The following KIF26B variants were observed in gnomAD, a reference collection of about 807,000 sequenced individuals.
KIF26B encodes kinesin-like protein KIF26B.
In KIF26B, 63 loss-of-function variants were observed where a neutral mutation model predicts 151.2. That is an observed-to-expected ratio of 0.42 (90% CI 0.34 to 0.51). The LOEUF (loss-of-function observed/expected upper bound fraction) is 0.51, where lower values mean the gene tolerates loss of function less well. Among genes scored for constraint, KIF26B ranks in the 20% least tolerant of loss-of-function variants. The pLI is 0.07. For missense variants in KIF26B, 2,813 were observed against 2,913.6 expected (o/e 0.97, Z 0.79); for synonymous variants, 1,357 against 1,262.1 (o/e 1.08, Z -1.59).
rs1242090995 is a variant in KIF26B, at chr1:245,601,022, AC to A, written c.1351-1553del. Among the ~76,000 whole-genome samples, 1 of 152,204 alleles carries A rather than the reference AC, an allele frequency of 6.6e-6. No individual in the cohort carries two copies. Among genetic ancestry groups the A allele is most frequent in the Non-Finnish European group, 1.5e-5 (1 of 68,036 alleles). ...TCATCTGTAAAATCTGGACAGGCAT[AC>A]CTACACCCTGGAGCATTGGGAGGAT... On this transcript the variant is annotated intron_variant, in intron 5 of 14. Coordinates refer to ENST00000407071, the MANE Select transcript of KIF26B (RefSeq NM_018012.4). This position sits in a 1 kb window ranked among gnomAD's most constrained non-coding sequence, Gnocchi z 4.4.
chr1:245,648,344 G>A (rs10158765), intron 10 of KIF26B, among the ~76,000 whole-genome samples: 57,060 of 151,936 alleles, frequency 0.38, 11,001 homozygotes, highest in African/African-American at 0.44. Flanking sequence ...AATGAGTAGG[G>A]AAACATTAAA....
chr1:245,587,109 C>T (rs149697244), intron 5 of KIF26B, among the ~76,000 whole-genome samples: 27 of 152,250 alleles, frequency 1.8e-4, no homozygotes, highest in East Asian at 1.4e-3. Context: ...TCCAAGACAC[C>T]GGTCAGCCTG....
At chr1:245,562,134 G>A (rs1333806809) in intron 5 of KIF26B, among the ~76,000 whole-genome samples, 1 of 152,072 alleles carries the variant, frequency 6.6e-6, no homozygotes, top group Non-Finnish European at 1.5e-5. Context: ...CAGACTTAAA[G>A]CACTTCTCAG....
In KIF26B at chr1:245,686,022, C is replaced by T. The variant is rs376593943; in HGVS notation, c.3039C>T (p.Pro1013=). The T allele has an allele frequency of 1.9e-4, 303 of 1,593,708 alleles. 1 individual carries two copies. The highest frequency in any genetic ancestry group is 2.3e-4 in the Non-Finnish European group (274 of 1,171,126). Residue 1013 remains proline, a synonymous_variant, in exon 12 of 15, where the codon CCC becomes CCT. Transcript: ENST00000407071. This position sits in a 1 kb window ranked among gnomAD's most constrained non-coding sequence, Gnocchi z 5.6. ...ACTCACCTGTGCCCGCCGCGGCACC[C>T]GCCCACAGCCCCAGCCCGGCCTCAC... ...RSHSPVPAAA[P]AHSPSPASPR...
chr1:245,630,495 C>T (rs1185834749), intron 9 of KIF26B, among the ~76,000 whole-genome samples: 2 of 152,146 alleles, frequency 1.3e-5, no homozygotes, highest in Admixed American at 6.5e-5. Context: ...GAAAACCAAA[C>T]ACCACACGTT....
intron 3 of KIF26B, among the ~76,000 whole-genome samples, chr1:245,411,582 T>C (rs1674285810): frequency 6.6e-6 from 1 of 152,160 alleles, no homozygotes; most frequent in South Asian, 2.1e-4. Context: ...GGCATGCATC[T>C]GTGGGTGTCA....
chr1:245,596,173 A>C (rs2043334459), intron 5 of KIF26B, among the ~76,000 whole-genome samples: 1 of 151,758 alleles, frequency 6.6e-6, no homozygotes, highest in African/African-American at 2.4e-5. Context: ...TTCTGCTCTG[A>C]TCTTAGTTAT....
chr1:245,599,873 T>C lies in KIF26B; in HGVS notation c.1351-2704T>C, dbSNP rs2043373487. Reference sequence around the variant, plus strand: ...GAATGCAGATATACCTACTGGTTACTGTCCTGTATGTAGCGGCTGTGTGGG... The same window carrying C: ...GAATGCAGATATACCTACTGGTTACCGTCCTGTATGTAGCGGCTGTGTGGG... On this transcript the variant is annotated intron_variant, in intron 5 of 14. Coordinates refer to ENST00000407071, the MANE Select transcript of KIF26B (RefSeq NM_018012.4). Among the ~76,000 whole-genome samples, 5 of 152,108 alleles carry C rather than the reference T, an allele frequency of 3.3e-5. No individual in the cohort carries two copies. In the South Asian group the frequency reaches 1.0e-3, roughly 32 times the overall value.
chr1:245,160,086 G>A (rs976202028), intron 2 of KIF26B, among the ~76,000 whole-genome samples: 1 of 152,216 alleles, frequency 6.6e-6, no homozygotes, highest in African/African-American at 2.4e-5. Context: ...AGACTGGCGT[G>A]TAGAAGTGAC....
intron 4 of KIF26B, among the ~76,000 whole-genome samples, chr1:245,438,508 T>C (rs796445187): frequency 3.2e-4 from 49 of 152,270 alleles, no homozygotes; most frequent in African/African-American, 1.2e-3. Context: ...GAGTTTTCAC[T>C]CTTATACCAC....
intron 4 of KIF26B, among the ~76,000 whole-genome samples, chr1:245,477,965 C>T (rs1000629938): frequency 6.6e-6 from 1 of 151,796 alleles, no homozygotes; most frequent in African/African-American, 2.4e-5. Flanking sequence ...CAAAAATAAA[C>T]TTTATACCAT....
At chr1:245,219,921 C>G (rs1041268024) in intron 2 of KIF26B, among the ~76,000 whole-genome samples, 4 of 151,886 alleles carry the variant, frequency 2.6e-5, no homozygotes, top group African/African-American at 9.7e-5. Flanking sequence ...CCTCAAAAGA[C>G]TATGGGGGTT....
chr1:245,312,043 CT>C (rs1176264053), intron 2 of KIF26B, among the ~76,000 whole-genome samples: 2 of 152,186 alleles, frequency 1.3e-5, no homozygotes, highest in African/African-American at 4.8e-5. Flanking sequence ...AGGCTGATGG[CT>C]TAGTCATCCT....
intron 10 of KIF26B, among the ~76,000 whole-genome samples, chr1:245,657,255 G>A (rs532446865): frequency 1.8e-4 from 27 of 152,194 alleles, no homozygotes; most frequent in African/African-American, 5.5e-4. Context: ...TTAAAACACC[G>A]CGTTGGTGTC....
intron 2 of KIF26B, among the ~76,000 whole-genome samples, chr1:245,189,245 T>C (rs990050270): frequency 2.6e-5 from 4 of 152,230 alleles, no homozygotes; most frequent in Admixed American, 1.3e-4. Context: ...TTATCTTGCA[T>C]TGTTGATGCT....
chr1:245,373,195 G>A (rs1472907119), intron 3 of KIF26B, among the ~76,000 whole-genome samples: 1 of 152,118 alleles, frequency 6.6e-6, no homozygotes, highest in Non-Finnish European at 1.5e-5. Flanking sequence ...TGAAAATGTT[G>A]TTCTTTATTA....
At chr1:245,567,449 C>T (rs113159818) in intron 5 of KIF26B, among the ~76,000 whole-genome samples, 5,367 of 152,298 alleles carry the variant, frequency 0.035, 123 homozygotes, top group Middle Eastern at 0.078. Context: ...TGTCCCCTTC[C>T]GAGCACCCTT....
At chr1:245,663,109 G>T (rs1186802685) in intron 10 of KIF26B, among the ~76,000 whole-genome samples, 2 of 151,300 alleles carry the variant, frequency 1.3e-5, no homozygotes, top group Non-Finnish European at 2.9e-5. Flanking sequence ...ACTTTTCCTT[G>T]TTCAGAAGGA....
rs184881929 is a variant in KIF26B at position 245,651,836 on chromosome 1, C to T, written c.2258+5556C>T. Reference sequence around the variant, plus strand: ...GGAGCAGTCTCATCCCCAAACCATTCCCTACTCCCATTGGGTCCATGGAGA... The same window carrying T: ...GGAGCAGTCTCATCCCCAAACCATTTCCTACTCCCATTGGGTCCATGGAGA... On this transcript the variant is annotated intron_variant, in intron 10 of 14. Coordinates refer to ENST00000407071, the MANE Select transcript of KIF26B (RefSeq NM_018012.4). Among the ~76,000 whole-genome samples, 156 of 152,274 alleles carry T rather than the reference C, an allele frequency of 1.0e-3. 1 individual carries two copies. The Middle Eastern group carries it at 0.014, about 13-fold the overall frequency.
Sources: gnomAD v4.1 joint callset for allele counts (sites outside exome capture counted in the v4.1 genomes callset) on GRCh38, gnomAD v4.1.1 for gene constraint, Gnocchi (gnomAD v3.1) non-coding constraint, MANE v1.5 for transcripts, NCBI Gene and HGNC (gene_info 2026-07-23, HGNC 2026-07-21) for gene names.